The following HMG20A variants were observed in gnomAD, a reference collection of about 807,000 sequenced individuals.
HMG20A encodes the protein high mobility group 20A, also known as high mobility group protein 20A.
In HMG20A, 17 loss-of-function variants were observed where a neutral mutation model predicts 43.9. The observed-to-expected ratio is 0.39, with a 90% CI of 0.27 to 0.58. The LOEUF is 0.58. Among genes scored for constraint, HMG20A ranks in the 20% least tolerant of loss-of-function variants. The pLI is 0.59. For missense variants in HMG20A, 341 were observed against 438.2 expected (o/e 0.78, Z 1.98); for synonymous variants, 132 against 147.5 (o/e 0.89, Z 0.76).
intron 9 of HMG20A, chr15:77,482,313 G>A (rs1017052987): frequency 6.6e-6 from 1 of 152,150 alleles, no homozygotes; most frequent in Non-Finnish European, 1.5e-5. Flanking sequence ...AATATACAGT[G>A]GAAGAATTAC....
intron 1 of HMG20A, among the ~76,000 whole-genome samples, chr15:77,457,363 C>T (rs1457750503): frequency 6.6e-6 from 1 of 152,170 alleles, no homozygotes; most frequent in Non-Finnish European, 1.5e-5. Context: ...AGTGAATTCT[C>T]ATAATTTGCT....
chr15:77,421,214 T>C lies in HMG20A; in HGVS notation c.-5+210T>C, dbSNP rs557187125. On this transcript the variant is annotated intron_variant, in intron 1 of 9. Transcript: ENST00000336216. ...CTTCCTGTGGGGGGGTGGTGATGGT[T>C]TGGGGGTGTCCGACCCACTTCCAGT... 2.0e-5 allele frequency: 6 copies of C among 301,140 alleles called. No homozygotes were observed. The South Asian group carries it at 8.1e-4, about 41-fold the overall frequency. 18.7% of individuals were successfully genotyped at this position (301,140 alleles called of 1,614,324 possible). A position where few individuals can be genotyped will look rare whatever the true frequency, so the allele number is the denominator to read the frequency against.
chr15:77,460,011 T>C (rs1449256205), intron 2 of HMG20A, among the ~76,000 whole-genome samples: 2 of 152,186 alleles, frequency 1.3e-5, no homozygotes, highest in African/African-American at 4.8e-5. Flanking sequence ...CACAGAATTA[T>C]ATGATCTGAC....
At chr15:77,478,546 G>GGT (rs752218286) in intron 8 of HMG20A, 36 bp downstream of exon 8, 1 of 1,557,226 alleles carries the variant, frequency 6.4e-7, no homozygotes. Flanking sequence ...CAGTGACAGG[G>GGT]GTGTGTGTGT....
At chr15:77,507,690 C>T in the HMG20A span, among the ~76,000 whole-genome samples, 4 of 152,228 alleles carry the variant, frequency 2.6e-5, no homozygotes, top group Non-Finnish European at 1.5e-5. Context: ...GGCAGTTTTA[C>T]TTCCTTGCCC....
intron 1 of HMG20A, among the ~76,000 whole-genome samples, chr15:77,438,800 T>G (rs1423770117): frequency 6.9e-6 from 1 of 145,824 alleles, no homozygotes; most frequent in Non-Finnish European, 1.5e-5. Context: ...TTCAAGTTTC[T>G]TTTTTTTTTG....
intron 1 of HMG20A, among the ~76,000 whole-genome samples, chr15:77,436,624 A>T (rs975060302): frequency 6.6e-6 from 1 of 151,290 alleles, no homozygotes; most frequent in Non-Finnish European, 1.5e-5. Flanking sequence ...ATGCCCAGCT[A>T]ATTTTTGTAT....
chr15:77,481,701 G>A (rs765481311), intron 9 of HMG20A, among the ~76,000 whole-genome samples: 13 of 152,034 alleles, frequency 8.6e-5, no homozygotes, highest in Non-Finnish European at 1.6e-4. Flanking sequence ...TGAAAAAATA[G>A]CTAAAAGTGT....
rs1210393819 is a variant in HMG20A at position 77,443,376 on chromosome 15, GATGATTATTATT to G, written c.-4-15025_-4-15014del. The stretch of plus-strand genomic sequence containing the variant: ...TTATGATGATGATGATGATGATGAT[GATGATTATTATT>G]ATTATTATTATTATTATTATTAAGT... On this transcript the variant is annotated intron_variant, in intron 1 of 9. Transcript: ENST00000336216. Among the ~76,000 whole-genome samples, 562 of 121,234 alleles carry G rather than the reference GATGATTATTATT, an allele frequency of 4.6e-3. 1 individual carries two copies. Among genetic ancestry groups the G allele is most frequent in the Non-Finnish European group, 7.0e-3 (393 of 55,988 alleles). The allele number at this position is 121,234 out of a possible 152,430, so 79.5% of individuals were successfully genotyped here. A position where few individuals can be genotyped will look rare whatever the true frequency, so the allele number is the denominator to read the frequency against.
chr15:77,505,588 A>T, the HMG20A span, among the ~76,000 whole-genome samples: 1 of 152,242 alleles, frequency 6.6e-6, no homozygotes, highest in Admixed American at 6.5e-5. Context: ...GCTTCTCCGC[A>T]TGTTCAAGAA....
chr15:77,515,409 A>ATATT, the HMG20A span, among the ~76,000 whole-genome samples: 4 of 150,848 alleles, frequency 2.7e-5, no homozygotes, highest in Non-Finnish European at 3.0e-5. Context: ...TTATTTTTAA[A>ATATT]TATTTATTTA....
At chr15:77,500,410 A>G in the HMG20A span, among the ~76,000 whole-genome samples, 1 of 152,078 alleles carries the variant, frequency 6.6e-6, no homozygotes. Context: ...CCCCTTTTCT[A>G]TAAACTTCAG....
chr15:77,464,467 GT>G, intron 3 of HMG20A, 80 bp downstream of exon 3: 1 of 1,435,794 alleles, frequency 7.0e-7, no homozygotes, highest in Non-Finnish European at 9.6e-7. Context: ...GTTGATCAAG[GT>G]GTTCATATGA....
At chr15:77,498,886 A>G in the HMG20A span, among the ~76,000 whole-genome samples, 1 of 152,098 alleles carries the variant, frequency 6.6e-6, no homozygotes, top group Non-Finnish European at 1.5e-5. Flanking sequence ...GGACTATAAA[A>G]TCCACTAATC....
chr15:77,454,216 C>T (rs912503594), intron 1 of HMG20A, among the ~76,000 whole-genome samples: 10 of 149,950 alleles, frequency 6.7e-5, no homozygotes, highest in Admixed American at 5.3e-4. Context: ...CCTAGGAGGA[C>T]TAGCAGGAAG....
Position 77,468,597 on chromosome 15 carries a change from T to TCACACA in HMG20A, c.450+1314_450+1319dup, listed in dbSNP as rs141417839. Among the ~76,000 whole-genome samples the TCACACA allele has an allele frequency of 5.3e-3, 784 of 147,808 alleles. 1 individual carries two copies. Among genetic ancestry groups the TCACACA allele is most frequent in the East Asian group, 0.018 (90 of 5,000 alleles). ...TTCTCTCTCTCTCTCTCTCTCTCTG[T>TCACACA]CACACACACACACACACACACACAC... is the stretch of plus-strand genomic sequence containing the variant. On this transcript the variant is annotated intron_variant, in intron 4 of 9. Coordinates refer to ENST00000336216, the MANE Select transcript of HMG20A (RefSeq NM_001304504.2).
At position 77,439,793 on chromosome 15, in the gene HMG20A, A is replaced by C. The variant is rs578222033; in HGVS notation, c.-4-18611A>C. 2.2e-4 allele frequency among the ~76,000 whole-genome samples: 34 copies of C among 152,270 alleles called. 2 individuals are homozygous for C. The South Asian group carries it at 7.0e-3, about 32-fold the overall frequency. ...TCATAGGATAGGTGTATTTTAACAG[A>C]TATTGCTAAATAGTTTTCCAAAATG... On this transcript the variant is annotated intron_variant, in intron 1 of 9. Transcript: ENST00000336216.
the HMG20A span, among the ~76,000 whole-genome samples, chr15:77,509,758 T>C: frequency 6.6e-6 from 1 of 151,626 alleles, no homozygotes; most frequent in African/African-American, 2.4e-5. Context: ...ATACAGAAAA[T>C]TAGCCAGGCA....
the HMG20A span, among the ~76,000 whole-genome samples, chr15:77,517,183 C>T: frequency 6.6e-6 from 1 of 152,194 alleles, no homozygotes; most frequent in Non-Finnish European, 1.5e-5. Flanking sequence ...ACTCCCATCC[C>T]TGCGGAGACC....
Sources: gnomAD v4.1 joint callset for allele counts (sites outside exome capture counted in the v4.1 genomes callset) on GRCh38, gnomAD v4.1.1 for gene constraint, MANE v1.5 for transcripts, NCBI Gene and HGNC (gene_info 2026-07-23, HGNC 2026-07-21) for gene names.